Variants in LOXHD1 observed in about 807,000 individuals in gnomAD.
LOXHD1 encodes lipoxygenase homology domain-containing protein 1.
Under a neutral mutation model 248.2 loss-of-function variants are expected in LOXHD1, and 205 were observed. The observed-to-expected ratio is 0.83, with a 90% CI of 0.74 to 0.93. The LOEUF (loss-of-function observed/expected upper bound fraction) is 0.93. Among genes scored for constraint, LOXHD1 ranks in the 40% least tolerant of loss-of-function variants. The pLI is 0.00. For synonymous variants in LOXHD1, 1,113 were observed against 1,162.8 expected (o/e 0.96, Z 0.87); for missense variants, 2,930 against 2,971.6 (o/e 0.99, Z 0.33).
Position 46,560,547 on chromosome 18 carries a change from T to G in LOXHD1, c.2599-2A>C. The stretch of plus-strand genomic sequence containing the variant: ...CTCGCCCACGTCGGCCGCCTCAAGC[T>G]GTTCAAAGGGCAGGGCAGCGGCTGT... On this transcript the variant is annotated splice_acceptor_variant, in intron 18 of 40. Transcript: ENST00000642948. LOFTEE classifies it high-confidence loss of function. The G allele has an allele frequency of 6.6e-7, 1 of 1,524,852 alleles. No homozygotes were observed. The highest frequency in any genetic ancestry group is 8.8e-7 in the Non-Finnish European group (1 of 1,139,218). The allele number at this position is 1,524,852 out of a possible 1,614,324, so 94.5% of individuals were successfully genotyped here. A position where few individuals can be genotyped will look rare whatever the true frequency, so the allele number is the denominator to read the frequency against.
chr18:46,557,066 C>T (rs770519763), intron 21 of LOXHD1, among the ~76,000 whole-genome samples: 26 of 151,978 alleles, frequency 1.7e-4, no homozygotes, highest in Non-Finnish European at 2.5e-4. Context: ...AATGTCACAC[C>T]CAGCCCACCT....
At chr18:46,507,062 C>T (rs772403461) in intron 36 of LOXHD1, among the ~76,000 whole-genome samples, 13 of 152,164 alleles carry the variant, frequency 8.5e-5, no homozygotes, top group Middle Eastern at 3.2e-3. Context: ...TTGCATCCAT[C>T]GGAGCGTCAC....
intron 21 of LOXHD1, among the ~76,000 whole-genome samples, chr18:46,553,531 A>G (rs1256923837): frequency 6.6e-6 from 1 of 152,248 alleles, no homozygotes; most frequent in Non-Finnish European, 1.5e-5. Context: ...AAATTAATGA[A>G]TAAATCAACA....
At chr18:46,620,580 C>A (rs2038654879) in intron 4 of LOXHD1, among the ~76,000 whole-genome samples, 2 of 152,158 alleles carry the variant, frequency 1.3e-5, no homozygotes, top group African/African-American at 2.4e-5. Flanking sequence ...TTTGTAGTAT[C>A]TAAGGCTATT....
chr18:46,554,246 G>A (rs4890672), intron 21 of LOXHD1, among the ~76,000 whole-genome samples: 104,868 of 152,054 alleles, frequency 0.69, 38,280 homozygotes, highest in Non-Finnish European at 0.83. Flanking sequence ...CTGCCAATGG[G>A]CTGGGGACAG....
intron 21 of LOXHD1, among the ~76,000 whole-genome samples, chr18:46,551,751 G>C (rs1202518140): frequency 6.6e-6 from 1 of 152,146 alleles, no homozygotes; most frequent in Non-Finnish European, 1.5e-5. Context: ...CTTTACCAAA[G>C]GGATGTGAGG....
intron 18 of LOXHD1, 150 bp downstream of exon 18, chr18:46,562,915 G>T: frequency 1.1e-6 from 1 of 900,222 alleles, no homozygotes. Flanking sequence ...CGAAAGCTCA[G>T]GTCTGGAGAG....
chr18:46,506,116 CAG>C (rs2034556338), intron 36 of LOXHD1, 93 bp from the exon 37 acceptor site: 1 of 1,372,568 alleles, frequency 7.3e-7, no homozygotes, highest in Admixed American at 2.1e-5. Flanking sequence ...TCAGAGGAGT[CAG>C]GGGTACAGGT....
intron 20 of LOXHD1, among the ~76,000 whole-genome samples, chr18:46,558,804 T>A (rs2037439639): frequency 6.6e-6 from 1 of 152,144 alleles, no homozygotes; most frequent in Non-Finnish European, 1.5e-5. Context: ...AAGGTATGTG[T>A]ATTTCTTTTC....
chr18:46,483,868 A>G (rs2032803263), intron 39 of LOXHD1, 123 bp from the exon 40 acceptor site: 1 of 1,134,392 alleles, frequency 8.8e-7, no homozygotes, highest in East Asian at 2.6e-5. Flanking sequence ...GGCAAGCAGG[A>G]GCTCATGGCA....
At chr18:46,649,437 T>G (rs1235843798) in intron 1 of LOXHD1, among the ~76,000 whole-genome samples, 168 bp from the exon 2 acceptor site, 1 of 152,210 alleles carries the variant, frequency 6.6e-6, no homozygotes, top group African/African-American at 2.4e-5. Context: ...CGATATGTCC[T>G]GCTGCAAGAT....
At position 46,542,707 on chromosome 18, in the gene LOXHD1, A is replaced by G; in HGVS notation, c.3748+20T>C. 1 of 1,551,468 alleles carries G rather than the reference A, an allele frequency of 6.4e-7. No individual in the cohort carries two copies. The highest frequency in any genetic ancestry group is 8.7e-7 in the Non-Finnish European group (1 of 1,146,976). On this transcript the variant is annotated intron_variant, in intron 24 of 40. Coordinates refer to ENST00000642948, the MANE Select transcript of LOXHD1 (RefSeq NM_001384474.1). ...GGTCCTTAAAGTCTTAGCAAGGAACAGAGGGGAGGGAAGCCACACCTGTGT... is the reference window on the plus strand; with the variant it reads ...GGTCCTTAAAGTCTTAGCAAGGAACGGAGGGGAGGGAAGCCACACCTGTGT...
At chr18:46,629,567 A>C (rs2038791731) in intron 4 of LOXHD1, among the ~76,000 whole-genome samples, 1 of 152,140 alleles carries the variant, frequency 6.6e-6, no homozygotes, top group South Asian at 2.1e-4. Flanking sequence ...CACCCTGGGC[A>C]CTACGCCCAA....
chr18:46,573,811 G>A (rs1310476804), intron 14 of LOXHD1, among the ~76,000 whole-genome samples: 1 of 152,186 alleles, frequency 6.6e-6, no homozygotes, highest in African/African-American at 2.4e-5. Flanking sequence ...ACACTAAAAT[G>A]TTAGACGACA....
chr18:46,612,396 T>A (rs551175996), intron 5 of LOXHD1, among the ~76,000 whole-genome samples: 3 of 152,208 alleles, frequency 2.0e-5, no homozygotes, highest in African/African-American at 4.8e-5. Flanking sequence ...ATATATTTTT[T>A]AAAATTTTTA....
rs574346459 is a variant in LOXHD1, at chr18:46,588,845, A to T, written c.1654+3088T>A. 4.6e-5 allele frequency among the ~76,000 whole-genome samples: 7 copies of T among 152,274 alleles called. No individual in the cohort carries two copies. The South Asian group carries it at 1.0e-3, about 23-fold the overall frequency. On this transcript the variant is annotated intron_variant, in intron 12 of 40. Transcript: ENST00000642948. Reference sequence around the variant, plus strand: ...ACCCATCCACGTCAGCCCCTGACAGACCAGGAAAAATGTGGGGAGGAAGAA... The same window carrying T: ...ACCCATCCACGTCAGCCCCTGACAGTCCAGGAAAAATGTGGGGAGGAAGAA...
rs143362257 is a variant in LOXHD1 at position 46,570,658 on chromosome 18, A to G, written c.2048-1020T>C. Among the ~76,000 whole-genome samples, 280 of 152,304 alleles carry G rather than the reference A, an allele frequency of 1.8e-3. 1 individual carries two copies. The Middle Eastern group carries it at 0.02, about 11-fold the overall frequency. ...TTTCCATCTCAACCAGGGGTGTTCA[A>G]TCTTTTGGTTTCCCTGGGCCACACT... On this transcript the variant is annotated intron_variant, in intron 15 of 40. Transcript: ENST00000642948.
chr18:46,614,142 A>T (rs1294786057), intron 5 of LOXHD1, among the ~76,000 whole-genome samples: 1 of 152,246 alleles, frequency 6.6e-6, no homozygotes, highest in Admixed American at 6.5e-5. Context: ...TAGTTCAACC[A>T]TTGTGGAAGA....
At chr18:46,607,118 A>C (rs1435571606) in intron 6 of LOXHD1, among the ~76,000 whole-genome samples, 1 of 151,930 alleles carries the variant, frequency 6.6e-6, no homozygotes, top group Non-Finnish European at 1.5e-5. Context: ...GCAGTGAGCC[A>C]AGATTGTGCC....
Sources: allele counts gnomAD v4.1 joint callset (sites outside exome capture counted in the v4.1 genomes callset), GRCh38; gene constraint gnomAD v4.1.1; transcripts MANE v1.5; gene names NCBI Gene and HGNC (gene_info 2026-07-23, HGNC 2026-07-21).